Variants in RMST observed in about 807,000 individuals in gnomAD.
RMST encodes long intergenic non-protein coding RNA 54.
chr12:97,514,780 A>C (rs750354580), intron 10 of RMST, among the ~76,000 whole-genome samples: 8 of 152,038 alleles, frequency 5.3e-5, no homozygotes, highest in Non-Finnish European at 1.0e-4. Context: ...CAACCTTGGG[A>C]CTTATAAAAG....
intron 9 of RMST, among the ~76,000 whole-genome samples, chr12:97,495,274 A>T (rs1877278275): frequency 6.6e-6 from 1 of 152,152 alleles, no homozygotes; most frequent in Non-Finnish European, 1.5e-5. Context: ...ACCAAAGACA[A>T]TGGCATATAT....
At chr12:97,505,978 AAATATT>A (rs1231824680) in intron 10 of RMST, among the ~76,000 whole-genome samples, 2 of 152,244 alleles carry the variant, frequency 1.3e-5, no homozygotes, top group African/African-American at 2.4e-5. Flanking sequence ...TGAACATTTA[AAATATT>A]AATATTGACT....
intron 11 of RMST, among the ~76,000 whole-genome samples, chr12:97,551,000 TAATTGTGTCAAATCAACTTTTCTG>T (rs1226522722): frequency 6.6e-6 from 1 of 152,120 alleles, no homozygotes; most frequent in Non-Finnish European, 1.5e-5. Flanking sequence ...AACACTTAAC[TAATTGTGTCAAATCAACTTTTCTG>T]AAATTACTCA....
At chr12:97,560,501 G>A (rs774065275) in intron 11 of RMST, 1 of 152,102 alleles carries the variant, frequency 6.6e-6, no homozygotes, top group Non-Finnish European at 1.5e-5. Context: ...GTGAAGTAGG[G>A]TTATTACATT....
rs12311401 is a variant in RMST at position 97,536,526 on chromosome 12, A to G, written n.1545+5667A>G. 6.8e-3 allele frequency among the ~76,000 whole-genome samples: 1,030 copies of G among 151,584 alleles called. 11 individuals are homozygous for G. Among genetic ancestry groups the G allele is most frequent in the African/African-American group, 0.024 (998 of 41,464 alleles). On this transcript the variant is annotated intron_variant and non_coding_transcript_variant, in intron 11 of 13. Coordinates refer to ENST00000640149, the Ensembl canonical transcript of RMST. ...AGAGAAGTGTGGTCAGTCTAAATCC[A>G]TCTCTATATTTATCTGCAGGGCCTA...
At chr12:97,473,767 T>C (rs76204738) in intron 5 of RMST, among the ~76,000 whole-genome samples, 5,267 of 152,196 alleles carry the variant, frequency 0.035, 329 homozygotes, top group African/African-American at 0.12. Context: ...TTTACTATTT[T>C]AAGGAAAAAC....
chr12:97,491,718 T>C (rs61943698), intron 5 of RMST: 4,502 of 282,046 alleles, frequency 0.016, 42 homozygotes, highest in Middle Eastern at 0.039. Context: ...CTGCTGTAAG[T>C]GTAAGCATCT....
intron 9 of RMST, chr12:97,495,834 C>G (rs1877358007): frequency 6.6e-6 from 1 of 152,102 alleles, no homozygotes; most frequent in African/African-American, 2.4e-5. Flanking sequence ...GTCTTTGGCT[C>G]CTTAGCATTT....
chr12:97,513,711 T>C (rs1879652867), intron 10 of RMST, among the ~76,000 whole-genome samples: 1 of 152,246 alleles, frequency 6.6e-6, no homozygotes, highest in Admixed American at 6.5e-5. Flanking sequence ...CATATTCTTA[T>C]GTTTATTTTT....
chr12:97,501,667 C>T (rs915552643), intron 10 of RMST, among the ~76,000 whole-genome samples: 2 of 152,262 alleles, frequency 1.3e-5, no homozygotes, highest in African/African-American at 2.4e-5. Context: ...AGCAAGTTAG[C>T]TCAGCATTGG....
intron 10 of RMST, among the ~76,000 whole-genome samples, chr12:97,519,996 G>A (rs753455865): frequency 1.3e-5 from 2 of 152,270 alleles, no homozygotes; most frequent in Non-Finnish European, 2.9e-5. Context: ...CTGAAATACT[G>A]TTTTAAGGAA....
chr12:97,477,903 C>T (rs867591751), intron 5 of RMST, among the ~76,000 whole-genome samples: 4 of 152,126 alleles, frequency 2.6e-5, no homozygotes, highest in Admixed American at 6.6e-5. Flanking sequence ...TAGGGAGACA[C>T]GGCAGAGAGA....
At chr12:97,511,278 A>G (rs149860036) in intron 10 of RMST, among the ~76,000 whole-genome samples, 1,740 of 151,764 alleles carry the variant, frequency 0.011, 23 homozygotes, top group Middle Eastern at 0.044. Flanking sequence ...CCTCCCAAGT[A>G]GCTGGGACTA....
chr12:97,512,453 G>A (rs1304580274), intron 10 of RMST, among the ~76,000 whole-genome samples: 1 of 152,210 alleles, frequency 6.6e-6, no homozygotes, highest in East Asian at 1.9e-4. Context: ...CTGATTGGTA[G>A]AGCCAAGTGG....
chr12:97,480,970 C>T (rs892912384), intron 5 of RMST, among the ~76,000 whole-genome samples: 1 of 152,102 alleles, frequency 6.6e-6, no homozygotes, highest in Non-Finnish European at 1.5e-5. Context: ...TATCAGTATC[C>T]AATTTATGTT....
chr12:97,463,604 T>C (rs967894133), intron 4 of RMST, among the ~76,000 whole-genome samples: 8 of 152,210 alleles, frequency 5.3e-5, no homozygotes, highest in African/African-American at 1.9e-4. Context: ...GAAGAGCATA[T>C]GGCCATGCAG....
chr12:97,465,336 T>C (rs1037473700), intron 4 of RMST, among the ~76,000 whole-genome samples: 6 of 152,204 alleles, frequency 3.9e-5, no homozygotes, highest in Admixed American at 3.9e-4. Context: ...CTCCCGGGAA[T>C]AGTCTGTTTG....
intron 11 of RMST, among the ~76,000 whole-genome samples, chr12:97,548,966 C>G (rs1883131505): frequency 6.6e-6 from 1 of 152,026 alleles, no homozygotes; most frequent in African/African-American, 2.4e-5. Context: ...TTTTCAAGCT[C>G]TAACATACAC....
chr12:97,544,851 T>C (rs2136632519), intron 11 of RMST, among the ~76,000 whole-genome samples: 1 of 152,184 alleles, frequency 6.6e-6, no homozygotes, highest in Admixed American at 6.6e-5. Context: ...ATAATATGTA[T>C]TTGTTACCTA....
Sources: allele counts gnomAD v4.1 joint callset (sites outside exome capture counted in the v4.1 genomes callset), GRCh38; gene constraint gnomAD v4.1.1; transcripts MANE v1.5; gene names NCBI Gene and HGNC (gene_info 2026-07-23, HGNC 2026-07-21).